Variants in CCSAP observed in about 807,000 individuals in gnomAD.
CCSAP encodes centriole, cilia and spindle associated protein, also known as centriole, cilia and spindle-associated protein.
Under a neutral mutation model 25.9 loss-of-function variants are expected in CCSAP, and 17 were observed. The ratio of observed to expected loss-of-function variants is 0.66; its 90% CI spans 0.45 to 0.99. CCSAP has a LOEUF of 0.99. Among genes scored for constraint, CCSAP ranks in the 50% least tolerant of loss-of-function variants. The pLI, the probability that CCSAP is intolerant of heterozygous loss-of-function variation, is 0.00. For synonymous variants in CCSAP, 169 were observed against 157.1 expected (o/e 1.08, Z -0.57); for missense variants, 339 against 367.8 (o/e 0.92, Z 0.64).
In CCSAP at chr1:229,342,298, GC is replaced by G; in HGVS notation, c.167del (p.Gly56AlafsTer30). 7.1e-7 allele frequency: 1 copy of G among 1,417,652 alleles called. No homozygotes were observed. Among genetic ancestry groups the G allele is most frequent in the Non-Finnish European group, 9.2e-7 (1 of 1,085,036 alleles). The allele number at this position is 1,417,652 out of a possible 1,614,324, so 87.8% of individuals were successfully genotyped here. On this transcript the variant is annotated frameshift_variant, in exon 2 of 4. Transcript: ENST00000284617. LOFTEE classifies it high-confidence loss of function. This position sits in a 1 kb window ranked among gnomAD's most constrained non-coding sequence, Gnocchi z 7.5. ...PWLWDDWGPA[G>X]SSEDSASSES... ...CTGACGACGCCGAGTCCTCCGAGGAGCCGGCCGGGCCCCAGTCGTCCCAGAG... is the reference window on the plus strand; with the variant it reads ...CTGACGACGCCGAGTCCTCCGAGGAGCGGCCGGGCCCCAGTCGTCCCAGAG...
intron 2 of CCSAP, among the ~76,000 whole-genome samples, chr1:229,332,685 G>C (rs1238946473): frequency 6.6e-6 from 1 of 152,110 alleles, no homozygotes; most frequent in Non-Finnish European, 1.5e-5. Context: ...CAATAGCCAT[G>C]AACCACACGT....
intron 2 of CCSAP, among the ~76,000 whole-genome samples, chr1:229,327,867 C>CAAAA (rs765651478): frequency 4.4e-5 from 4 of 91,792 alleles, no homozygotes; most frequent in Admixed American, 3.9e-4. Context: ...GACTCCGTCT[C>CAAAA]AAAAAAAAAA....
rs1657865707 is a variant in CCSAP at position 229,323,123 on chromosome 1, G to A, written c.*2112C>T. 6.6e-6 allele frequency: 1 copy of A among 152,132 alleles called. No individual in the cohort carries two copies. Among genetic ancestry groups the A allele is most frequent in the Non-Finnish European group, 1.5e-5 (1 of 68,028 alleles). 9.4% of individuals were successfully genotyped at this position (152,132 alleles called of 1,614,324 possible). On this transcript the variant is annotated 3_prime_UTR_variant, in exon 4 of 4. Transcript: ENST00000284617. ...ACTAAGGACTTGGATGTAAGATGAA[G>A]GCTTACAATTCATACTGATTTATTA...
At position 229,338,994 on chromosome 1, in the gene CCSAP, C is replaced by T. The variant is rs147814251; in HGVS notation, c.367+3105G>A. Among the ~76,000 whole-genome samples, 462 of 135,038 alleles carry T rather than the reference C, an allele frequency of 3.4e-3. 1 individual carries two copies. Among genetic ancestry groups the T allele is most frequent in the Non-Finnish European group, 5.7e-3 (354 of 61,820 alleles). The allele number at this position is 135,038 out of a possible 152,430, so 88.6% of individuals were successfully genotyped here. A position where few individuals can be genotyped will look rare whatever the true frequency, so the allele number is the denominator to read the frequency against. The stretch of plus-strand genomic sequence containing the variant: ...TGAGAGTATCACCCAGAAAACAAAA[C>T]AATAAAAGATGAAAATCTGTCAAGA... On this transcript the variant is annotated intron_variant, in intron 2 of 3. Transcript: ENST00000284617.
At chr1:229,337,092 A>C (rs1658211344) in intron 2 of CCSAP, among the ~76,000 whole-genome samples, 1 of 152,226 alleles carries the variant, frequency 6.6e-6, no homozygotes, top group South Asian at 2.1e-4. Flanking sequence ...CATATGGAGC[A>C]GAGAAAATTA....
Position 229,321,817 on chromosome 1 carries a change from A to G in CCSAP, c.*3418T>C, listed in dbSNP as rs774424278. The G allele has an allele frequency of 6.6e-6, 1 of 152,232 alleles. No individual in the cohort carries two copies. Among genetic ancestry groups the G allele is most frequent in the Non-Finnish European group, 1.5e-5 (1 of 68,034 alleles). 9.4% of individuals were successfully genotyped at this position (152,232 alleles called of 1,614,324 possible). ...CTCTGTATCCGTGAGTTCTGCATCCATGGATTCAACCAAATACAAATTGAA... is the reference window on the plus strand; with the variant it reads ...CTCTGTATCCGTGAGTTCTGCATCCGTGGATTCAACCAAATACAAATTGAA... On this transcript the variant is annotated 3_prime_UTR_variant, in exon 4 of 4. Transcript: ENST00000284617.
At chr1:229,336,150 T>G (rs1281929588) in intron 2 of CCSAP, among the ~76,000 whole-genome samples, 1 of 147,374 alleles carries the variant, frequency 6.8e-6, no homozygotes. Context: ...GGATGCAATC[T>G]CTCCCAGATA....
At position 229,342,412 on chromosome 1, in the gene CCSAP, C is replaced by T; in HGVS notation, c.54G>A (p.Pro18=). The T allele has an allele frequency of 6.9e-7, 1 of 1,455,536 alleles. No homozygotes were observed. Among genetic ancestry groups the T allele is most frequent in the Non-Finnish European group, 9.1e-7 (1 of 1,098,324 alleles). 90.2% of individuals were successfully genotyped at this position (1,455,536 alleles called of 1,614,324 possible). The stretch of plus-strand genomic sequence containing the variant: ...AGCACGGCCCGTACTCCTCCCAGCG[C>T]GGCTCCTGGTAGCGCTTCATGTACT... ...KSEYMKRYQE[P]RWEEYGPCYR... The change falls in exon 2 of 4, where the codon CCG becomes CCA. Residue 18 remains proline, a synonymous_variant. Transcript: ENST00000284617. This position sits in a 1 kb window ranked among gnomAD's most constrained non-coding sequence, Gnocchi z 7.5.
chr1:229,338,921 T>C (rs1351081744), intron 2 of CCSAP, among the ~76,000 whole-genome samples: 2 of 150,310 alleles, frequency 1.3e-5, no homozygotes, highest in African/African-American at 4.9e-5. Context: ...AAAAGAAAAA[T>C]AGGATCCCTC....
At chr1:229,330,159 C>G (rs1185082127) in intron 2 of CCSAP, among the ~76,000 whole-genome samples, 1 of 152,188 alleles carries the variant, frequency 6.6e-6, no homozygotes, top group East Asian at 1.9e-4. Context: ...ACCATGAGGA[C>G]ACCAGGAAGG....
intron 2 of CCSAP, among the ~76,000 whole-genome samples, chr1:229,337,676 A>ATATATATATATATAT: frequency 2.0e-5 from 1 of 49,934 alleles, no homozygotes; most frequent in African/African-American, 7.6e-5. Context: ...GGCTCAAAAA[A>ATATATATATATATAT]AAATATATAT....
At position 229,323,218 on chromosome 1, in the gene CCSAP, A is replaced by T. The variant is rs1657868039; in HGVS notation, c.*2017T>A. 6.6e-6 allele frequency: 1 copy of T among 152,242 alleles called. No individual in the cohort carries two copies. The highest frequency in any genetic ancestry group is 6.5e-5 in the Admixed American group (1 of 15,286). 9.4% of individuals were successfully genotyped at this position (152,242 alleles called of 1,614,324 possible). On this transcript the variant is annotated 3_prime_UTR_variant, in exon 4 of 4. Transcript: ENST00000284617. The stretch of plus-strand genomic sequence containing the variant: ...GTCTTCCACTTAAAAAGAGGAAAAA[A>T]TTGGCCAATATTTGCCTTCTACATT...
chr1:229,338,411 C>G (rs932705649), intron 2 of CCSAP, among the ~76,000 whole-genome samples: 1 of 151,956 alleles, frequency 6.6e-6, no homozygotes, highest in Non-Finnish European at 1.5e-5. Context: ...AAAATAAAAT[C>G]TAACCTAAAA....
rs969784564 is a variant in CCSAP at position 229,337,908 on chromosome 1, C to A, written c.367+4191G>T. ...GATAGGTAGCTTATTTTTTAATAAA[C>A]CTATTACTGGAGTAGAAGCAAAAAA... On this transcript the variant is annotated intron_variant, in intron 2 of 3. Transcript: ENST00000284617. 2.6e-5 allele frequency among the ~76,000 whole-genome samples: 4 copies of A among 151,010 alleles called. No homozygotes were observed. In the East Asian group the frequency reaches 7.8e-4, roughly 29 times the overall value.
chr1:229,327,687 G>A (rs1486821165), intron 2 of CCSAP: 1 of 417,200 alleles, frequency 2.4e-6, no homozygotes, highest in South Asian at 1.7e-5. Context: ...GGCCAACATG[G>A]TGAAACCCCG....
chr1:229,329,636 GC>G (rs1466560437), intron 2 of CCSAP, among the ~76,000 whole-genome samples: 2 of 152,152 alleles, frequency 1.3e-5, no homozygotes, highest in Non-Finnish European at 2.9e-5. Context: ...GGGCAGAGAG[GC>G]CAGTTAGAAA....
chr1:229,333,824 T>C (rs1199023007), intron 2 of CCSAP, among the ~76,000 whole-genome samples: 1 of 152,088 alleles, frequency 6.6e-6, no homozygotes, highest in East Asian at 1.9e-4. Flanking sequence ...GAGGTTGCAA[T>C]GAGCCAAGAT....
chr1:229,325,346 T>C lies in CCSAP; in HGVS notation c.702A>G (p.Gln234=). ...RQVEKRKLVA[Q]RQRAHSVDVE... ...CATCCACAGAGTGAGCTCGCTGCCT[T>C]TGAGCAACCAGTTTCCTTTTTTCCA... Residue 234 remains glutamine (Q), a synonymous_variant, in exon 4 of 4, where the codon CAA becomes CAG. Transcript: ENST00000284617. 1 of 1,614,224 alleles carries C rather than the reference T, an allele frequency of 6.2e-7. No individual in the cohort carries two copies. The highest frequency in any genetic ancestry group is 8.5e-7 in the Non-Finnish European group (1 of 1,180,036).
chr1:229,326,629 A>G (rs1255525455), intron 3 of CCSAP, 109 bp downstream of exon 3: 3 of 1,329,246 alleles, frequency 2.3e-6, no homozygotes, highest in Middle Eastern at 2.2e-4. Context: ...AAGATCTCCC[A>G]TGGGCCCAAA....
Sources: gnomAD v4.1 joint callset for allele counts (sites outside exome capture counted in the v4.1 genomes callset) on GRCh38, gnomAD v4.1.1 for gene constraint, Gnocchi (gnomAD v3.1) non-coding constraint, MANE v1.5 for transcripts, NCBI Gene and HGNC (gene_info 2026-07-23, HGNC 2026-07-21) for gene names.